Variants in TEX9 observed in about 807,000 individuals in gnomAD.
The protein encoded by TEX9 is testis expressed 9.
Under a neutral mutation model 59.6 loss-of-function variants are expected in TEX9, and 74 were observed. That is an observed-to-expected ratio of 1.24 (90% confidence interval 1.03 to 1.51). The LOEUF is 1.51. Ranked by LOEUF, TEX9 falls within the 40% of genes most tolerant of loss-of-function variation. The pLI is 0.00. For synonymous variants in TEX9, 186 were observed against 152.2 expected, an observed-to-expected ratio of 1.22 and a Z score of -1.64; for missense variants, 522 against 447.8, an observed-to-expected ratio of 1.17 and a Z score of -1.49.
At chr15:56,309,375 T>C (rs2045551578) in intron 1 of TEX9, among the ~76,000 whole-genome samples, 3 of 152,214 alleles carry the variant, frequency 2.0e-5, no homozygotes, top group African/African-American at 7.2e-5. Flanking sequence ...TTCAGATGTT[T>C]ACCTGACTTT....
intron 3 of TEX9, among the ~76,000 whole-genome samples, chr15:56,382,059 A>C (rs755482310): frequency 2.5e-4 from 38 of 152,224 alleles, no homozygotes; most frequent in Admixed American, 1.1e-3. Context: ...CTAAGCTGGT[A>C]CTCGGACTAC....
At chr15:56,270,380 G>C (rs1443262747) in intron 1 of TEX9, among the ~76,000 whole-genome samples, 1 of 152,140 alleles carries the variant, frequency 6.6e-6, no homozygotes, top group Non-Finnish European at 1.5e-5. Flanking sequence ...TTGTTGAATT[G>C]ATCCCTTTAC....
intron 1 of TEX9, among the ~76,000 whole-genome samples, chr15:56,341,689 A>C (rs1263329331): frequency 6.6e-6 from 1 of 152,204 alleles, no homozygotes; most frequent in Non-Finnish European, 1.5e-5. Context: ...TGAGCAGAAA[A>C]ATAATAGTAA....
chr15:56,367,852 G>A (rs2047015748), intron 2 of TEX9, among the ~76,000 whole-genome samples: 1 of 152,078 alleles, frequency 6.6e-6, no homozygotes. Flanking sequence ...ATTTTTAGAT[G>A]TTGATGCTAC....
the TEX9 span, among the ~76,000 whole-genome samples, chr15:56,458,255 T>C: frequency 6.6e-6 from 1 of 152,226 alleles, no homozygotes; most frequent in Non-Finnish European, 1.5e-5. Flanking sequence ...CAATGTTGTG[T>C]ATCTATCACC....
intron 1 of TEX9, among the ~76,000 whole-genome samples, chr15:56,308,020 T>C (rs2045522431): frequency 1.3e-5 from 2 of 152,250 alleles, no homozygotes; most frequent in African/African-American, 2.4e-5. Context: ...TTAGCTATTA[T>C]GAATAATGCT....
chr15:56,371,222 T>C (rs1309889816), intron 2 of TEX9, among the ~76,000 whole-genome samples: 1 of 152,200 alleles, frequency 6.6e-6, no homozygotes, highest in African/African-American at 2.4e-5. Context: ...TAACCTGTCT[T>C]TTGTGTTTTT....
chr15:56,441,895 C>T (rs1266428880), intron 12 of TEX9, among the ~76,000 whole-genome samples: 1 of 151,998 alleles, frequency 6.6e-6, no homozygotes, highest in African/African-American at 2.4e-5. Flanking sequence ...TGGCGGGTGC[C>T]TGTAGTCCCA....
chr15:56,456,330 T>A, the TEX9 span: 1 of 1,462,770 alleles, frequency 6.8e-7, no homozygotes, highest in Non-Finnish European at 9.1e-7. Context: ...TTTCAGGTGC[T>A]AAGGATTACA....
At chr15:56,353,037 C>G (rs1487799158) in intron 1 of TEX9, among the ~76,000 whole-genome samples, 1 of 152,108 alleles carries the variant, frequency 6.6e-6, no homozygotes, top group Admixed American at 6.5e-5. Context: ...TATTTGAATT[C>G]CCGTGAGGTA....
chr15:56,278,107 C>A (rs556747006), intron 1 of TEX9, among the ~76,000 whole-genome samples: 1 of 152,094 alleles, frequency 6.6e-6, no homozygotes, highest in East Asian at 1.9e-4. Context: ...TTTTATTCAA[C>A]CTATTCTTTC....
chr15:56,315,312 T>A (rs1357215407), intron 1 of TEX9, among the ~76,000 whole-genome samples: 1 of 145,482 alleles, frequency 6.9e-6, no homozygotes, highest in East Asian at 2.0e-4. Flanking sequence ...CCATGTTTAG[T>A]GCTTCCTTCA....
chr15:56,270,257 C>A (rs1259105909), intron 1 of TEX9, among the ~76,000 whole-genome samples: 1 of 152,046 alleles, frequency 6.6e-6, no homozygotes, highest in African/African-American at 2.4e-5. Context: ...GTTAAAATCT[C>A]CCATTATTAT....
intron 10 of TEX9, among the ~76,000 whole-genome samples, chr15:56,419,533 T>C (rs551725146): frequency 6.6e-6 from 1 of 151,964 alleles, no homozygotes; most frequent in East Asian, 1.9e-4. Flanking sequence ...ATATTTTTCT[T>C]TTTTTAGTCT....
chr15:56,440,782 A>G (rs1163363978), intron 12 of TEX9, among the ~76,000 whole-genome samples: 5 of 152,338 alleles, frequency 3.3e-5, no homozygotes, highest in African/African-American at 1.2e-4. Context: ...ATTTATAATT[A>G]AAGGTTTATC....
At chr15:56,341,046 A>G (rs2046363232) in intron 1 of TEX9, among the ~76,000 whole-genome samples, 1 of 152,158 alleles carries the variant, frequency 6.6e-6, no homozygotes, top group Non-Finnish European at 1.5e-5. Context: ...TGATTTTGGC[A>G]CAGGGGGCTT....
intron 1 of TEX9, among the ~76,000 whole-genome samples, chr15:56,307,332 C>T (rs540418920): frequency 7.4e-4 from 113 of 152,246 alleles, no homozygotes; most frequent in African/African-American, 2.6e-3. Flanking sequence ...TTTTGGATTC[C>T]CCATGCTTTA....
At chr15:56,327,042 A>G (rs1412081276) in intron 1 of TEX9, among the ~76,000 whole-genome samples, 1 of 152,222 alleles carries the variant, frequency 6.6e-6, no homozygotes, top group African/African-American at 2.4e-5. Flanking sequence ...TATTGAAATA[A>G]AAAATCATTA....
intron 1 of TEX9, among the ~76,000 whole-genome samples, chr15:56,353,218 T>C (rs1407635591): frequency 6.6e-6 from 1 of 152,204 alleles, no homozygotes; most frequent in African/African-American, 2.4e-5. Flanking sequence ...TTTAATTAAA[T>C]TAATGTACAT....
Sources: allele counts gnomAD v4.1 joint callset (sites outside exome capture counted in the v4.1 genomes callset), GRCh38; gene constraint gnomAD v4.1.1; transcripts MANE v1.5; gene names NCBI Gene and HGNC (gene_info 2026-07-23, HGNC 2026-07-21).